DLGAP2: variants seen among roughly 807,000 people sequenced by gnomAD.
DLGAP2 encodes DLG associated protein 2.
A neutral mutation model predicts 100.3 loss-of-function variants in DLGAP2; 26 were observed. The ratio of observed to expected loss-of-function variants is 0.26; its 90% CI spans 0.19 to 0.36. DLGAP2 has a LOEUF of 0.36. Among genes scored for constraint, DLGAP2 ranks in the 10% least tolerant of loss-of-function variants. The pLI is 1.00. For synonymous variants in DLGAP2, 886 were observed against 630.1 expected (o/e 1.41, Z -6.08); for missense variants, 1,858 against 1,453.2 (o/e 1.28, Z -4.53).
intron 2 of DLGAP2, among the ~76,000 whole-genome samples, chr8:1,117,654 C>A (rs1326326816): frequency 1.3e-5 from 2 of 152,144 alleles, no homozygotes; most frequent in Non-Finnish European, 2.9e-5. Context: ...ATGGCCTTTT[C>A]ATTCTTACCC....
intron 6 of DLGAP2, among the ~76,000 whole-genome samples, chr8:1,584,642 C>T (rs754700658): frequency 6.6e-6 from 1 of 152,170 alleles, no homozygotes; most frequent in African/African-American, 2.4e-5. Context: ...GACGATGTCT[C>T]TCCTCAGAAG....
chr8:1,466,477 C>T (rs561560183), intron 3 of DLGAP2, among the ~76,000 whole-genome samples: 1 of 152,084 alleles, frequency 6.6e-6, no homozygotes, highest in East Asian at 1.9e-4. Context: ...TTTTTCTTGG[C>T]ACAGGGTATC....
intron 4 of DLGAP2, among the ~76,000 whole-genome samples, chr8:1,514,006 G>A (rs919984203): frequency 6.6e-6 from 1 of 152,254 alleles, no homozygotes; most frequent in East Asian, 1.9e-4. Context: ...TCCCCTTCCC[G>A]GGTTATCTTA....
At chr8:1,668,219 C>T in intron 8 of DLGAP2, 110 bp from the exon 9 acceptor site, 1 of 1,032,684 alleles carries the variant, frequency 9.7e-7, no homozygotes, top group South Asian at 1.8e-5. Context: ...GCTAGACGTC[C>T]AGGAACAGAC....
At chr8:747,423 A>G (rs140999999) in intron 1 of DLGAP2, among the ~76,000 whole-genome samples, 1 of 151,650 alleles carries the variant, frequency 6.6e-6, no homozygotes, top group African/African-American at 2.4e-5. Context: ...CTTTGGTCCC[A>G]AGTTCCAGAA....
At chr8:1,171,725 C>G (rs945418898) in intron 2 of DLGAP2, among the ~76,000 whole-genome samples, 1 of 151,416 alleles carries the variant, frequency 6.6e-6, no homozygotes, top group African/African-American at 2.4e-5. Context: ...TTTTTGTTTT[C>G]CATTGGCTTG....
At chr8:898,082 T>C (rs1270250683) in intron 1 of DLGAP2, among the ~76,000 whole-genome samples, 1 of 152,160 alleles carries the variant, frequency 6.6e-6, no homozygotes, top group African/African-American at 2.4e-5. Flanking sequence ...ATATAAATTT[T>C]TGTAAAAACA....
chr8:1,019,266 C>G (rs1801560487), intron 2 of DLGAP2: 1 of 152,064 alleles, frequency 6.6e-6, no homozygotes, highest in African/African-American at 2.4e-5. Flanking sequence ...CTCTGCACCT[C>G]TTACTGTTGG....
chr8:809,586 A>G (rs1796332849), intron 1 of DLGAP2, among the ~76,000 whole-genome samples: 1 of 152,156 alleles, frequency 6.6e-6, no homozygotes, highest in South Asian at 2.1e-4. Flanking sequence ...GAAAAGCCAT[A>G]AAATTACAGA....
rs1050211337 is a variant in DLGAP2, at chr8:1,704,443, AG to A, written c.*3038del. ...GTATGATAAACAGGACCTAGCGTTT[AG>A]CCCGGGAAAGGAGAATGCTGCTTGT... On this transcript the variant is annotated 3_prime_UTR_variant, in exon 15 of 15. Coordinates refer to ENST00000637795, the MANE Select transcript of DLGAP2 (RefSeq NM_001346810.2). 2.6e-5 allele frequency: 4 copies of A among 152,258 alleles called. No individual in the cohort carries two copies. Among genetic ancestry groups the A allele is most frequent in the African/African-American group, 9.6e-5 (4 of 41,466 alleles). 9.4% of individuals were successfully genotyped at this position (152,258 alleles called of 1,614,324 possible). A position where few individuals can be genotyped will look rare whatever the true frequency, so the allele number is the denominator to read the frequency against.
At chr8:1,089,638 AG>A (rs1313747481) in intron 2 of DLGAP2, among the ~76,000 whole-genome samples, 11 of 152,214 alleles carry the variant, frequency 7.2e-5, no homozygotes, top group Non-Finnish European at 1.5e-4. Context: ...GAAAAATGAT[AG>A]GTTCATATTG....
intron 2 of DLGAP2, among the ~76,000 whole-genome samples, chr8:1,067,973 A>T (rs1334121479): frequency 6.6e-6 from 1 of 151,964 alleles, no homozygotes; most frequent in Non-Finnish European, 1.5e-5. Flanking sequence ...CTCCCTCCTC[A>T]TGAACCCTTG....
At chr8:1,317,544 G>C (rs28726290) in intron 3 of DLGAP2, among the ~76,000 whole-genome samples, 26,181 of 83,310 alleles carry the variant, frequency 0.31, 4,465 homozygotes, top group African/African-American at 0.45. Flanking sequence ...AGTGCAGCGT[G>C]TCTCCAACAG....
chr8:1,270,072 C>T (rs1230726621), intron 3 of DLGAP2, among the ~76,000 whole-genome samples: 5 of 152,264 alleles, frequency 3.3e-5, no homozygotes, highest in East Asian at 3.9e-4. Flanking sequence ...TCCCATTTCC[C>T]TTGGGGTCCT....
chr8:1,237,021 A>C (rs1432278093), intron 2 of DLGAP2, among the ~76,000 whole-genome samples: 1 of 142,042 alleles, frequency 7.0e-6, no homozygotes, highest in Non-Finnish European at 1.5e-5. Flanking sequence ...GTTCTGTCTC[A>C]CACAGAGCAT....
At chr8:847,890 T>A (rs929697585) in intron 1 of DLGAP2, among the ~76,000 whole-genome samples, 2 of 152,232 alleles carry the variant, frequency 1.3e-5, no homozygotes, top group Non-Finnish European at 2.9e-5. Flanking sequence ...TACTTTCTTC[T>A]GTTCGGTGGT....
At chr8:1,245,451 C>T (rs1017147853) in intron 2 of DLGAP2, among the ~76,000 whole-genome samples, 2 of 152,276 alleles carry the variant, frequency 1.3e-5, no homozygotes, top group South Asian at 2.1e-4. Context: ...GTGACACAGA[C>T]GAACCTCAGA....
chr8:1,027,555 G>A (rs1801840661), intron 2 of DLGAP2, among the ~76,000 whole-genome samples: 1 of 149,802 alleles, frequency 6.7e-6, no homozygotes, highest in African/African-American at 2.5e-5. Context: ...TTCTCCAGGT[G>A]GGGTGCCAAG....
chr8:1,199,152 G>A (rs538410675), intron 2 of DLGAP2, among the ~76,000 whole-genome samples: 62 of 152,344 alleles, frequency 4.1e-4, no homozygotes, highest in African/African-American at 1.3e-3. Flanking sequence ...AGCAACAGTC[G>A]TCTGAATTAC....
Sources: allele counts gnomAD v4.1 joint callset (sites outside exome capture counted in the v4.1 genomes callset), GRCh38; gene constraint gnomAD v4.1.1; transcripts MANE v1.5; gene names NCBI Gene and HGNC (gene_info 2026-07-23, HGNC 2026-07-21).